NBEA: variants seen among roughly 807,000 people sequenced by gnomAD.
The protein encoded by NBEA is neurobeachin.
A neutral mutation model predicts 343.4 loss-of-function variants in NBEA; 44 were observed. The ratio of observed to expected loss-of-function variants is 0.13; its 90% CI spans 0.10 to 0.16. The LOEUF is 0.16. NBEA is among the 10% of genes least tolerant of loss of function. The pLI, the probability that NBEA is intolerant of heterozygous loss-of-function variation, is 1.00. For missense variants in NBEA, 2,555 were observed against 3,631.3 expected, an observed-to-expected ratio of 0.70 and a Z score of 7.62; for synonymous variants, 1,175 against 1,238.7, an observed-to-expected ratio of 0.95 and a Z score of 1.08.
At chr13:35,123,438 TTAATATTAG>T in intron 16 of NBEA, 35 bp from the exon 17 acceptor site, 1 of 1,176,446 alleles carries the variant, frequency 8.5e-7, no homozygotes, top group South Asian at 2.0e-5. Context: ...GTTTTTGTTT[TTAATATTAG>T]TAAGTTTTTA....
In NBEA at chr13:35,631,638, T is replaced by TAAAA. The variant is rs59333937; in HGVS notation, c.7617+3410_7617+3413dup. 3.9e-3 allele frequency among the ~76,000 whole-genome samples: 497 copies of TAAAA among 126,416 alleles called. 3 individuals carry two copies. Among genetic ancestry groups the TAAAA allele is most frequent in the African/African-American group, 0.014 (441 of 32,540 alleles). The allele number at this position is 126,416 out of a possible 152,430, so 82.9% of individuals were successfully genotyped here. ...TGAATATCTATATATGTCTCCTTTGTAAAAAAAAAAAAAAAAAAAAAAATT... is the reference window on the plus strand; with the variant it reads ...TGAATATCTATATATGTCTCCTTTGTAAAAAAAAAAAAAAAAAAAAAAAAAAATT... On this transcript the variant is annotated intron_variant, in intron 49 of 58. Transcript: ENST00000379939.
intron 2 of NBEA, among the ~76,000 whole-genome samples, chr13:35,044,746 G>C (rs556280995): frequency 6.7e-6 from 1 of 150,006 alleles, no homozygotes; most frequent in Admixed American, 6.7e-5. Flanking sequence ...AAATTCTTTT[G>C]GTTATTTAAT....
At chr13:35,142,124 G>A (rs2068125693) in intron 17 of NBEA, 145 bp from the exon 18 acceptor site, 2 of 475,286 alleles carry the variant, frequency 4.2e-6, no homozygotes, top group African/African-American at 3.9e-5. Flanking sequence ...GTTACAAACT[G>A]TTGTTTCTAT....
In NBEA at chr13:34,943,209, C is replaced by G. The variant is rs957040370; in HGVS notation, c.294+95C>G. 8.9e-6 allele frequency: 13 copies of G among 1,468,228 alleles called. No individual in the cohort carries two copies. In the Admixed American group the frequency reaches 2.2e-4, roughly 25 times the overall value. 91.0% of individuals were successfully genotyped at this position (1,468,228 alleles called of 1,614,324 possible). ...CCCACCCTTCACCCCCAGGGTCACA[C>G]GCGCCGCGCGTCCCTGGGAGCGCAG... On this transcript the variant is annotated intron_variant, in intron 1 of 58. Transcript: ENST00000379939.
chr13:34,955,665 A>G (rs941751287), intron 1 of NBEA, among the ~76,000 whole-genome samples: 2 of 152,198 alleles, frequency 1.3e-5, no homozygotes, highest in Non-Finnish European at 2.9e-5. Flanking sequence ...GACTACAGTA[A>G]ATTAAATCAA....
intron 41 of NBEA, among the ~76,000 whole-genome samples, chr13:35,515,409 C>T (rs745787999): frequency 3.3e-5 from 5 of 152,166 alleles, no homozygotes; most frequent in African/African-American, 9.7e-5. Flanking sequence ...TATCAAAATA[C>T]ACATAATGAC....
chr13:35,478,365 C>A (rs1048371424), intron 41 of NBEA, among the ~76,000 whole-genome samples: 1 of 152,148 alleles, frequency 6.6e-6, no homozygotes, highest in Non-Finnish European at 1.5e-5. Flanking sequence ...GCCGTCATCG[C>A]GGGTGAATGC....
Position 35,539,894 on chromosome 13 carries a change from C to T in NBEA, c.6586-10583C>T, listed in dbSNP as rs527452976. Among the ~76,000 whole-genome samples the T allele has an allele frequency of 4.7e-3, 480 of 102,746 alleles. 3 individuals carry two copies. Among genetic ancestry groups the T allele is most frequent in the Middle Eastern group, 0.03 (3 of 100 alleles). 67.4% of individuals were successfully genotyped at this position (102,746 alleles called of 152,430 possible). ...TCCTGCCACTGCACTCCAGCCTGGG[C>T]GACAGAGCAAGACTCCGTCTCAAAA... On this transcript the variant is annotated intron_variant, in intron 41 of 58. Transcript: ENST00000379939.
At chr13:35,184,253 A>G (rs1566424683) in intron 30 of NBEA, among the ~76,000 whole-genome samples, 182 bp downstream of exon 30, 2 of 152,026 alleles carry the variant, frequency 1.3e-5, no homozygotes. Flanking sequence ...TTTGTATTTT[A>G]TTACATTTCT....
chr13:35,090,066 A>AAATAAATAAAT (rs1353503365), intron 10 of NBEA, among the ~76,000 whole-genome samples: 1 of 150,300 alleles, frequency 6.7e-6, no homozygotes, highest in East Asian at 1.9e-4. Context: ...ATAATAAAAT[A>AAATAAATAAAT]AATAAATAAA....
chr13:35,474,791 T>A, intron 41 of NBEA: 1 of 416,816 alleles, frequency 2.4e-6, no homozygotes, highest in Middle Eastern at 6.7e-4. Context: ...TACGGAGTGT[T>A]ACGGTGTACT....
chr13:35,300,314 A>T (rs1692885288), intron 35 of NBEA, among the ~76,000 whole-genome samples: 1 of 152,218 alleles, frequency 6.6e-6, no homozygotes, highest in African/African-American at 2.4e-5. Flanking sequence ...ACAAAGCGAG[A>T]CTCTGTCTCA....
chr13:35,020,914 G>A (rs1430941514), intron 1 of NBEA, among the ~76,000 whole-genome samples: 1 of 152,070 alleles, frequency 6.6e-6, no homozygotes, highest in African/African-American at 2.4e-5. Flanking sequence ...AACAAAAATT[G>A]TAGATTTGTC....
intron 41 of NBEA, among the ~76,000 whole-genome samples, chr13:35,504,512 A>T (rs2077000318): frequency 6.6e-6 from 1 of 152,098 alleles, no homozygotes; most frequent in African/African-American, 2.4e-5. Flanking sequence ...ACTTGACTTT[A>T]TCTGCAGTTG....
chr13:35,612,989 T>C (rs1321257255), intron 48 of NBEA, among the ~76,000 whole-genome samples: 1 of 151,690 alleles, frequency 6.6e-6, no homozygotes, highest in East Asian at 1.9e-4. Context: ...TCTTTTGATA[T>C]ATGTATACAA....
intron 36 of NBEA, among the ~76,000 whole-genome samples, chr13:35,325,762 C>T (rs2038513757): frequency 6.6e-6 from 1 of 151,968 alleles, no homozygotes; most frequent in Admixed American, 6.6e-5. Flanking sequence ...CCTGTGTTTT[C>T]TCCTAGGATT....
intron 36 of NBEA, among the ~76,000 whole-genome samples, chr13:35,311,761 G>A (rs1005161630): frequency 1.3e-5 from 2 of 152,118 alleles, no homozygotes; most frequent in African/African-American, 4.8e-5. Flanking sequence ...GGCTGAGGCA[G>A]GAGAATCACT....
chr13:35,443,572 A>T (rs2045851509), intron 39 of NBEA, among the ~76,000 whole-genome samples: 1 of 152,024 alleles, frequency 6.6e-6, no homozygotes, highest in African/African-American at 2.4e-5. Flanking sequence ...TCCAGACTTT[A>T]TATCTGTATT....
chr13:35,077,291 A>G (rs2064162594), intron 10 of NBEA, among the ~76,000 whole-genome samples: 4 of 152,124 alleles, frequency 2.6e-5, no homozygotes, highest in African/African-American at 7.2e-5. Flanking sequence ...CACATAAACC[A>G]TTGATGGAAT....
Sources: allele counts gnomAD v4.1 joint callset (sites outside exome capture counted in the v4.1 genomes callset), GRCh38; gene constraint gnomAD v4.1.1; transcripts MANE v1.5; gene names NCBI Gene and HGNC (gene_info 2026-07-23, HGNC 2026-07-21).